Variants in MARCHF1 observed in about 807,000 individuals in gnomAD.
MARCHF1 encodes E3 ubiquitin-protein ligase MARCHF1.
In MARCHF1, 40 loss-of-function variants were observed where a neutral mutation model predicts 54.2. That is an observed-to-expected ratio of 0.74 (90% CI 0.57 to 0.96). The LOEUF (loss-of-function observed/expected upper bound fraction) is 0.96, where lower values mean the gene tolerates loss of function less well. MARCHF1 is among the 40% of genes least tolerant of loss of function. The pLI is 0.00. For missense variants in MARCHF1, 586 were observed against 656.5 expected, an observed-to-expected ratio of 0.89 and a Z score of 1.17; for synonymous variants, 236 against 236.3, an observed-to-expected ratio of 1.00 and a Z score of 0.01.
intron 8 of MARCHF1, among the ~76,000 whole-genome samples, chr4:163,580,183 A>G (rs1240126651): frequency 6.6e-6 from 1 of 151,760 alleles, no homozygotes; most frequent in Non-Finnish European, 1.5e-5. Context: ...GGTTCAACCA[A>G]TTTTCCTGCC....
intron 2 of MARCHF1, among the ~76,000 whole-genome samples, chr4:164,083,146 G>A (rs1262362756): frequency 6.6e-6 from 1 of 152,206 alleles, no homozygotes; most frequent in East Asian, 1.9e-4. Context: ...AAAAGTAGTT[G>A]CTAAGGTGAT....
intron 2 of MARCHF1, among the ~76,000 whole-genome samples, chr4:164,014,710 G>T (rs1753500029): frequency 6.6e-6 from 1 of 152,012 alleles, no homozygotes; most frequent in South Asian, 2.1e-4. Context: ...ATATTCCATG[G>T]ACATGTAAAC....
At chr4:163,712,702 G>A (rs1350973244) in intron 4 of MARCHF1, among the ~76,000 whole-genome samples, 1 of 152,064 alleles carries the variant, frequency 6.6e-6, no homozygotes, top group Non-Finnish European at 1.5e-5. Flanking sequence ...GGATACATAC[G>A]AGAATTTCCT....
At chr4:163,627,840 G>GT (rs34222443) in intron 5 of MARCHF1, among the ~76,000 whole-genome samples, 50,858 of 149,586 alleles carry the variant, frequency 0.34, 8,952 homozygotes, top group Non-Finnish European at 0.41. Context: ...AAAGGAATAT[G>GT]TTTTTTTTTT....
chr4:164,040,097 A>AGTATATTTTT (rs1299444219), intron 2 of MARCHF1, among the ~76,000 whole-genome samples: 1 of 145,846 alleles, frequency 6.9e-6, no homozygotes, highest in Non-Finnish European at 1.5e-5. Flanking sequence ...TACATATATA[A>AGTATATTTTT]GTATATTTTT....
At chr4:163,954,209 T>G (rs1479731394) in intron 3 of MARCHF1, among the ~76,000 whole-genome samples, 1 of 152,146 alleles carries the variant, frequency 6.6e-6, no homozygotes, top group African/African-American at 2.4e-5. Flanking sequence ...ATAGTTCTCA[T>G]AAAAATCACA....
chr4:163,811,460 A>G (rs1230211215), intron 4 of MARCHF1, among the ~76,000 whole-genome samples: 1 of 152,034 alleles, frequency 6.6e-6, no homozygotes, highest in Non-Finnish European at 1.5e-5. Context: ...GCTTGAACCC[A>G]GGAGTCCAAG....
intron 9 of MARCHF1, among the ~76,000 whole-genome samples, chr4:163,535,309 C>G (rs1028137869): frequency 6.6e-5 from 10 of 151,894 alleles, no homozygotes; most frequent in Non-Finnish European, 1.5e-4. Flanking sequence ...TTCTGGTGTT[C>G]CAGCAAAATA....
chr4:164,147,762 T>A (rs1160939730), intron 1 of MARCHF1, among the ~76,000 whole-genome samples: 1 of 148,410 alleles, frequency 6.7e-6, no homozygotes. Flanking sequence ...GCATGGCACA[T>A]GTATACAAAT....
chr4:164,052,524 C>T (rs1261777244), intron 2 of MARCHF1, among the ~76,000 whole-genome samples: 2 of 150,912 alleles, frequency 1.3e-5, no homozygotes, highest in Non-Finnish European at 3.0e-5. Flanking sequence ...AGAGTGACTT[C>T]GTCTCAAAAA....
chr4:163,992,075 A>G (rs1303008637), intron 2 of MARCHF1, among the ~76,000 whole-genome samples: 4 of 151,230 alleles, frequency 2.6e-5, no homozygotes, highest in Non-Finnish European at 5.9e-5. Context: ...AAAAAAAAAA[A>G]AAAAAAAAAA....
At chr4:164,131,893 A>C (rs1756308249) in intron 1 of MARCHF1, among the ~76,000 whole-genome samples, 1 of 152,184 alleles carries the variant, frequency 6.6e-6, no homozygotes, top group Non-Finnish European at 1.5e-5. Flanking sequence ...TTAAAAAGGC[A>C]AATGTATTTT....
chr4:163,831,625 C>A (rs963175736), intron 4 of MARCHF1, among the ~76,000 whole-genome samples: 3 of 151,802 alleles, frequency 2.0e-5, no homozygotes, highest in Non-Finnish European at 4.4e-5. Context: ...AAAATAAAGT[C>A]CAAAGTTGGG....
At chr4:163,724,508 C>A (rs1438357265) in intron 4 of MARCHF1, among the ~76,000 whole-genome samples, 2 of 152,200 alleles carry the variant, frequency 1.3e-5, no homozygotes, top group African/African-American at 2.4e-5. Flanking sequence ...AAACTCCATG[C>A]TGGGAGAACC....
In MARCHF1 at chr4:164,272,240, T is replaced by C. The variant is rs574387588; in HGVS notation, c.-323+111630A>G. Among the ~76,000 whole-genome samples, 517 of 152,130 alleles carry C rather than the reference T, an allele frequency of 3.4e-3. 2 individuals are homozygous for C. The highest frequency in any genetic ancestry group is 0.012 in the African/African-American group (496 of 41,522). On this transcript the variant is annotated intron_variant, in intron 1 of 9. Transcript: ENST00000514618. ...TATAGAATAAAGTTGTGAGTATGTATATGCAGTGACTCAGCATCTTCATTG... is the reference window on the plus strand; with the variant it reads ...TATAGAATAAAGTTGTGAGTATGTACATGCAGTGACTCAGCATCTTCATTG...
intron 1 of MARCHF1, among the ~76,000 whole-genome samples, chr4:164,228,964 G>A (rs1732332395): frequency 6.6e-6 from 1 of 152,170 alleles, no homozygotes; most frequent in African/African-American, 2.4e-5. Flanking sequence ...AGGGAAAGGG[G>A]AAAGCATAGC....
chr4:164,039,743 T>C (rs2111015096), intron 2 of MARCHF1, among the ~76,000 whole-genome samples: 2 of 151,998 alleles, frequency 1.3e-5, no homozygotes, highest in East Asian at 3.9e-4. Flanking sequence ...GACAGTAGAG[T>C]TTTATGAAAT....
chr4:163,846,318 T>C (rs1467978193), intron 4 of MARCHF1, among the ~76,000 whole-genome samples: 2 of 152,194 alleles, frequency 1.3e-5, no homozygotes, highest in Admixed American at 1.3e-4. Context: ...AATAATGCAA[T>C]AGGTTTACTG....
At chr4:163,740,467 A>G (rs1173500537) in intron 4 of MARCHF1, among the ~76,000 whole-genome samples, 2 of 152,320 alleles carry the variant, frequency 1.3e-5, no homozygotes, top group African/African-American at 4.8e-5. Flanking sequence ...CCAGAGTGTC[A>G]CATTGTGCTG....
Sources: allele counts gnomAD v4.1 joint callset (sites outside exome capture counted in the v4.1 genomes callset), GRCh38; gene constraint gnomAD v4.1.1; transcripts MANE v1.5; gene names NCBI Gene and HGNC (gene_info 2026-07-23, HGNC 2026-07-21).